The following TRAPPC9 variants were observed in gnomAD, a reference collection of about 807,000 sequenced individuals.
The protein encoded by TRAPPC9 is IKK2 binding protein.
TRAPPC9 carries 83 observed loss-of-function variants against 124.0 expected under a neutral mutation model. The observed-to-expected ratio is 0.67, with a 90% CI of 0.56 to 0.80. TRAPPC9 has a LOEUF of 0.80. Among genes scored for constraint, TRAPPC9 ranks in the 30% least tolerant of loss-of-function variants. The pLI, the probability that TRAPPC9 is intolerant of heterozygous loss-of-function variation, is 0.00. For synonymous variants in TRAPPC9, 638 were observed against 617.5 expected (o/e 1.03, Z -0.49); for missense variants, 1,302 against 1,508.3 (o/e 0.86, Z 2.27).
At chr8:140,380,629 T>C (rs1588248880) in intron 7 of TRAPPC9, among the ~76,000 whole-genome samples, 1 of 120,416 alleles carries the variant, frequency 8.3e-6, no homozygotes, top group African/African-American at 3.3e-5. Flanking sequence ...TACTCCAGCC[T>C]GGGTGACAAA....
At chr8:139,762,128 C>T (rs1325588502) in intron 21 of TRAPPC9, among the ~76,000 whole-genome samples, 5 of 151,712 alleles carry the variant, frequency 3.3e-5, no homozygotes, top group Admixed American at 2.6e-4. Context: ...GGGCCTGCCA[C>T]ATGCTCATTG....
chr8:140,410,034 G>C (rs2069639138), intron 5 of TRAPPC9, among the ~76,000 whole-genome samples: 1 of 151,606 alleles, frequency 6.6e-6, no homozygotes, highest in African/African-American at 2.4e-5. Context: ...CCAGCTACTT[G>C]GGAGGCTGAG....
At chr8:140,319,828 G>A (rs1015943289) in intron 9 of TRAPPC9, among the ~76,000 whole-genome samples, 5 of 152,180 alleles carry the variant, frequency 3.3e-5, no homozygotes, top group African/African-American at 9.6e-5. Flanking sequence ...CTTACAGAAG[G>A]AGAAAATATG....
chr8:140,458,571 C>G (rs764290576), upstream of TRAPPC9: 6 of 1,565,558 alleles, frequency 3.8e-6, no homozygotes, highest in African/African-American at 1.4e-5. Flanking sequence ...CCATGGCACT[C>G]CCGACTTTGA....
intron 14 of TRAPPC9, among the ~76,000 whole-genome samples, chr8:140,276,902 C>T (rs1260498449): frequency 6.6e-6 from 1 of 152,116 alleles, no homozygotes; most frequent in East Asian, 1.9e-4. Flanking sequence ...CAGAGAGCCA[C>T]AATTAGTCCA....
chr8:139,955,595 G>A (rs1174109907), intron 19 of TRAPPC9, among the ~76,000 whole-genome samples: 1 of 152,142 alleles, frequency 6.6e-6, no homozygotes, highest in Non-Finnish European at 1.5e-5. Context: ...CCAGAAACAG[G>A]CAATGCAGGA....
At chr8:139,999,861 A>G (rs1838276765) in intron 18 of TRAPPC9, among the ~76,000 whole-genome samples, 1 of 152,252 alleles carries the variant, frequency 6.6e-6, no homozygotes, top group Non-Finnish European at 1.5e-5. Flanking sequence ...AATATTTTGG[A>G]GTGAACAAAA....
At chr8:139,816,700 A>G (rs1010069493) in intron 21 of TRAPPC9, among the ~76,000 whole-genome samples, 1 of 152,124 alleles carries the variant, frequency 6.6e-6, no homozygotes, top group South Asian at 2.1e-4. Context: ...TTTACATAAT[A>G]TTCACATCTT....
At chr8:140,423,581 C>T (rs1444802594) in intron 5 of TRAPPC9, among the ~76,000 whole-genome samples, 1 of 90,764 alleles carries the variant, frequency 1.1e-5, no homozygotes, top group Non-Finnish European at 2.9e-5. Flanking sequence ...ATGTGGCATA[C>T]ACACACACAC....
At position 139,907,398 on chromosome 8, in the gene TRAPPC9, A is replaced by G. The variant is rs1283534265; in HGVS notation, c.2964+2749T>C. Among the ~76,000 whole-genome samples, 1 of 152,020 alleles carries G rather than the reference A, an allele frequency of 6.6e-6. No homozygotes were observed. The highest frequency in any genetic ancestry group is 2.4e-5 in the African/African-American group (1 of 41,376). ...AAAATATTATTAAAATGCATAATGA[A>G]ATTATTAGCCAATTCAATCTTTGGT... On this transcript the variant is annotated intron_variant, in intron 20 of 22. Transcript: ENST00000438773. This position sits in a 1 kb window ranked among gnomAD's most constrained non-coding sequence, Gnocchi z 4.7.
intron 17 of TRAPPC9, among the ~76,000 whole-genome samples, chr8:140,183,888 AGAGGAGAG>A (rs1663886971): frequency 3.2e-4 from 5 of 15,486 alleles, no homozygotes; most frequent in African/African-American, 1.0e-3. Flanking sequence ...AAGAAGAAGA[AGAGGAGAG>A]GAGAGGAGAG....
intron 21 of TRAPPC9, among the ~76,000 whole-genome samples, chr8:139,819,870 G>A (rs1394213352): frequency 2.6e-5 from 4 of 151,710 alleles, no homozygotes; most frequent in South Asian, 4.2e-4. Context: ...AAAATTAGCC[G>A]GGCATGGTGG....
intron 17 of TRAPPC9, among the ~76,000 whole-genome samples, chr8:140,160,249 G>C (rs1427026348): frequency 6.6e-6 from 1 of 152,140 alleles, no homozygotes; most frequent in Non-Finnish European, 1.5e-5. Context: ...GATCCCTCAA[G>C]GATCTAGAAC....
intron 17 of TRAPPC9, among the ~76,000 whole-genome samples, chr8:140,115,334 C>T (rs1307263266): frequency 6.7e-6 from 1 of 150,008 alleles, no homozygotes; most frequent in East Asian, 2.0e-4. Context: ...GTGGCGTGAT[C>T]TAGGCTCACT....
intron 17 of TRAPPC9, among the ~76,000 whole-genome samples, chr8:140,198,203 G>C (rs1032833009): frequency 1.3e-5 from 2 of 152,158 alleles, no homozygotes; most frequent in Admixed American, 1.3e-4. Context: ...ACTAACTTTG[G>C]GAGAAACTTT....
rs1055435531 is a variant in TRAPPC9, at chr8:139,776,481, G to T, written c.3056-44279C>A. ...GGGTTAGCGTCGCTTGTTTACACAGGTGATGCATCTCAACCCATTCGGCAA... is the reference window on the plus strand; with the variant it reads ...GGGTTAGCGTCGCTTGTTTACACAGTTGATGCATCTCAACCCATTCGGCAA... On this transcript the variant is annotated intron_variant, in intron 21 of 22. Transcript: ENST00000438773. This position sits in a 1 kb window ranked among gnomAD's most constrained non-coding sequence, Gnocchi z 4.1. 6.6e-6 allele frequency among the ~76,000 whole-genome samples: 1 copy of T among 152,204 alleles called. No individual in the cohort carries two copies. Among genetic ancestry groups the T allele is most frequent in the African/African-American group, 2.4e-5 (1 of 41,454 alleles).
At chr8:139,781,233 C>T (rs111885620) in intron 21 of TRAPPC9, among the ~76,000 whole-genome samples, 1 of 152,128 alleles carries the variant, frequency 6.6e-6, no homozygotes, top group Non-Finnish European at 1.5e-5. Context: ...AAGTTTTATT[C>T]ATAATTGCCA....
intron 21 of TRAPPC9, among the ~76,000 whole-genome samples, chr8:139,868,685 C>T (rs190664200): frequency 1.3e-5 from 2 of 152,354 alleles, no homozygotes; most frequent in African/African-American, 4.8e-5. Flanking sequence ...AGTAATAACA[C>T]TACCTACTCT....
chr8:139,959,810 G>T (rs1835255118), intron 19 of TRAPPC9, among the ~76,000 whole-genome samples: 1 of 152,198 alleles, frequency 6.6e-6, no homozygotes, highest in Non-Finnish European at 1.5e-5. Context: ...CAGTAAAGAG[G>T]CTAACTCAAG....
Sources: gnomAD v4.1 joint callset for allele counts (sites outside exome capture counted in the v4.1 genomes callset) on GRCh38, gnomAD v4.1.1 for gene constraint, Gnocchi (gnomAD v3.1) non-coding constraint, MANE v1.5 for transcripts, NCBI Gene and HGNC (gene_info 2026-07-23, HGNC 2026-07-21) for gene names.